Variants in MRPS6 observed in about 807,000 individuals in gnomAD.
MRPS6 encodes the protein small ribosomal subunit protein bS6m.
A neutral mutation model predicts 13.1 loss-of-function variants in MRPS6; 6 were observed. That is an observed-to-expected ratio of 0.46 (90% CI 0.25 to 0.91). The LOEUF (loss-of-function observed/expected upper bound fraction) is 0.91. Among genes scored for constraint, MRPS6 ranks in the 40% least tolerant of loss-of-function variants. The pLI, the probability that MRPS6 is intolerant of heterozygous loss-of-function variation, is 0.18. For missense variants in MRPS6, 164 were observed against 155.6 expected (o/e 1.05, Z -0.29); for synonymous variants, 61 against 56.5 (o/e 1.08, Z -0.36).
chr21:34,114,866 C>G (rs545787084), intron 1 of MRPS6, among the ~76,000 whole-genome samples: 1 of 152,284 alleles, frequency 6.6e-6, no homozygotes, highest in African/African-American at 2.4e-5. Context: ...GTTGGATCTC[C>G]TATAATTATG....
intron 1 of MRPS6, chr21:34,124,596 C>T (rs1229243984): frequency 1.3e-5 from 2 of 151,924 alleles, no homozygotes; most frequent in Non-Finnish European, 1.5e-5. Flanking sequence ...GCCCTGAACC[C>T]CATCACTGGG....
At chr21:34,138,270 A>G (rs1056089291) in intron 2 of MRPS6, among the ~76,000 whole-genome samples, 3 of 151,548 alleles carry the variant, frequency 2.0e-5, no homozygotes, top group Non-Finnish European at 4.4e-5. Flanking sequence ...ATTAGATCCC[A>G]TTGGTCAATT....
At chr21:34,080,529 G>A (rs1181750354) in intron 1 of MRPS6, among the ~76,000 whole-genome samples, 1 of 152,052 alleles carries the variant, frequency 6.6e-6, no homozygotes, top group Non-Finnish European at 1.5e-5. Context: ...CCAGTCTCAT[G>A]TTCTTCCAAG....
chr21:34,092,847 A>C (rs1048170836), intron 1 of MRPS6, among the ~76,000 whole-genome samples: 2 of 152,162 alleles, frequency 1.3e-5, no homozygotes, highest in Non-Finnish European at 2.9e-5. Flanking sequence ...TGCTACTGCC[A>C]TTGGGAAGAG....
At chr21:34,140,176 C>G (rs1261349324) in intron 2 of MRPS6, among the ~76,000 whole-genome samples, 1 of 149,864 alleles carries the variant, frequency 6.7e-6, no homozygotes, top group Non-Finnish European at 1.5e-5. Flanking sequence ...TTAATTTGCT[C>G]TTTTCCTAGT....
At chr21:34,119,944 G>A (rs1434719654) in intron 1 of MRPS6, among the ~76,000 whole-genome samples, 1 of 152,040 alleles carries the variant, frequency 6.6e-6, no homozygotes, top group East Asian at 1.9e-4. Flanking sequence ...TTTTACTACA[G>A]CAACTTTTCC....
intron 2 of MRPS6, among the ~76,000 whole-genome samples, chr21:34,140,462 T>G (rs1980871412): frequency 6.6e-6 from 1 of 152,234 alleles, no homozygotes; most frequent in Non-Finnish European, 1.5e-5. Context: ...AATCCCTTTA[T>G]GTTATATGGC....
chr21:34,111,108 G>A (rs1979680913), intron 1 of MRPS6, among the ~76,000 whole-genome samples: 1 of 152,186 alleles, frequency 6.6e-6, no homozygotes, highest in African/African-American at 2.4e-5. Context: ...GGGAATGTGT[G>A]CAATAGGGGA....
At chr21:34,130,280 T>TAA (rs1295548048) in intron 2 of MRPS6, among the ~76,000 whole-genome samples, 1 of 152,188 alleles carries the variant, frequency 6.6e-6, no homozygotes, top group East Asian at 1.9e-4. Context: ...CAAAAGTGAA[T>TAA]AAAGAAAATA....
chr21:34,095,332 C>T, intron 1 of MRPS6: 10 of 1,614,078 alleles, frequency 6.2e-6, no homozygotes, highest in South Asian at 1.1e-5. Flanking sequence ...GCGGGGCGCT[C>T]TATGACCTGG....
At position 34,104,746 on chromosome 21, in the gene MRPS6, G is replaced by T. The variant is rs976163848; in HGVS notation, c.46-20595G>T. The T allele has an allele frequency of 1.6e-5, 16 of 1,000,110 alleles. No individual in the cohort carries two copies. In the Admixed American group the frequency reaches 3.1e-4, roughly 19 times the overall value. 62.0% of individuals were successfully genotyped at this position (1,000,110 alleles called of 1,614,324 possible). ...GAAGTGCAGGAAAGAGAAGTTTGAG[G>T]AACACCCTTGGCTTAGCAACATGTG... On this transcript the variant is annotated intron_variant, in intron 1 of 2. Transcript: ENST00000399312.
intron 1 of MRPS6, chr21:34,103,155 A>G (rs934116245): frequency 5.0e-6 from 5 of 999,686 alleles, no homozygotes; most frequent in Non-Finnish European, 6.0e-6. Context: ...AGGCCAGTAT[A>G]TATGGTATTC....
chr21:34,101,195 A>G (rs1250326875), intron 1 of MRPS6: 26 of 1,000,070 alleles, frequency 2.6e-5, no homozygotes, highest in South Asian at 4.7e-5. Context: ...GTAAAAGACA[A>G]CAAATATTAG....
intron 1 of MRPS6, 83 bp downstream of exon 1, chr21:34,073,828 C>A (rs1989250324): frequency 2.8e-6 from 3 of 1,071,756 alleles, no homozygotes; most frequent in Non-Finnish European, 1.2e-6. Flanking sequence ...GCGCCCTGGC[C>A]GCGGGACCCC....
At chr21:34,104,373 A>C (rs1569419382) in intron 1 of MRPS6, 2 of 1,000,026 alleles carry the variant, frequency 2.0e-6, no homozygotes, top group East Asian at 2.3e-4. Context: ...CCACCTCCTC[A>C]CTTCACCTCC....
At chr21:34,080,083 G>A (rs1031634740) in intron 1 of MRPS6, among the ~76,000 whole-genome samples, 2 of 152,122 alleles carry the variant, frequency 1.3e-5, no homozygotes, top group Non-Finnish European at 2.9e-5. Flanking sequence ...TTCTTAGCTG[G>A]TCTCCTGACA....
intron 1 of MRPS6, among the ~76,000 whole-genome samples, chr21:34,083,803 G>C (rs1384782787): frequency 6.6e-6 from 1 of 152,184 alleles, no homozygotes; most frequent in Non-Finnish European, 1.5e-5. Context: ...AATTTTGTGT[G>C]TGTAAGAAGA....
intron 1 of MRPS6, among the ~76,000 whole-genome samples, chr21:34,118,841 A>G (rs1980022681): frequency 6.6e-6 from 1 of 152,144 alleles, no homozygotes; most frequent in Non-Finnish European, 1.5e-5. Context: ...AAAATGGCCT[A>G]TATAATATGA....
intron 1 of MRPS6, chr21:34,101,205 G>A: frequency 2.0e-6 from 2 of 1,000,044 alleles, no homozygotes; most frequent in Non-Finnish European, 2.4e-6. Flanking sequence ...ACAAATATTA[G>A]CTTAAAATCT....
Sources: allele counts gnomAD v4.1 joint callset (sites outside exome capture counted in the v4.1 genomes callset), GRCh38; gene constraint gnomAD v4.1.1; transcripts MANE v1.5; gene names NCBI Gene and HGNC (gene_info 2026-07-23, HGNC 2026-07-21).